PPL: variants seen among roughly 807,000 people sequenced by gnomAD.
The protein encoded by PPL is periplakin.
PPL carries 198 observed loss-of-function variants against 194.4 expected under a neutral mutation model. That is an observed-to-expected ratio of 1.02 (90% CI 0.91 to 1.15). The LOEUF (loss-of-function observed/expected upper bound fraction) is 1.15. PPL is among the 50% of genes most tolerant of loss of function. The pLI is 0.00. For missense variants in PPL, 2,885 were observed against 2,294.8 expected, an observed-to-expected ratio of 1.26 and a Z score of -5.25; for synonymous variants, 1,220 against 972.4, an observed-to-expected ratio of 1.25 and a Z score of -4.74.
In PPL at chr16:4,897,165, T is replaced by A. The variant is rs144469814; in HGVS notation, c.972+510A>T. On this transcript the variant is annotated intron_variant, in intron 9 of 21. Transcript: ENST00000345988. ...GCCTGACCAACATGGCGAAACCCCATCTTTACTGAAAATACAAAAATTAGC... is the reference window on the plus strand; with the variant it reads ...GCCTGACCAACATGGCGAAACCCCAACTTTACTGAAAATACAAAAATTAGC... Among the ~76,000 whole-genome samples, 515 of 151,208 alleles carry A rather than the reference T, an allele frequency of 3.4e-3. 3 individuals are homozygous for A. Among genetic ancestry groups the A allele is most frequent in the Non-Finnish European group, 3.5e-3 (236 of 67,788 alleles).
At chr16:4,901,513 G>A (rs1259985202) in intron 4 of PPL, among the ~76,000 whole-genome samples, 1 of 152,028 alleles carries the variant, frequency 6.6e-6, no homozygotes, top group East Asian at 1.9e-4. Context: ...ATGTAGCAAA[G>A]CCCCATCTCT....
At chr16:4,933,896 A>G (rs2089257940) in intron 1 of PPL, among the ~76,000 whole-genome samples, 1 of 152,234 alleles carries the variant, frequency 6.6e-6, no homozygotes, top group African/African-American at 2.4e-5. Flanking sequence ...CATTTGCTTA[A>G]TAACTGTAAT....
chr16:4,898,178 G>A (rs1001108023), intron 8 of PPL, among the ~76,000 whole-genome samples: 3 of 152,214 alleles, frequency 2.0e-5, no homozygotes, highest in African/African-American at 7.2e-5. Context: ...AGGAGTTTGA[G>A]ACTAGCCTGG....
Position 4,882,608 on chromosome 16 carries a change from C to G in PPL, c.*776G>C, listed in dbSNP as rs1320729589. ...TATGTTCTACATGAGATACAGAGAC[C>G]CAGATATTGGCGTGGTGAATAATCA... On this transcript the variant is annotated 3_prime_UTR_variant, in exon 22 of 22. Coordinates refer to ENST00000345988, the MANE Select transcript of PPL (RefSeq NM_002705.5). 1 of 152,174 alleles carries G rather than the reference C, an allele frequency of 6.6e-6. No homozygotes were observed. The highest frequency in any genetic ancestry group is 1.9e-4 in the East Asian group (1 of 5,204). The allele number at this position is 152,174 out of a possible 1,614,324, so 9.4% of individuals were successfully genotyped here. A position where few individuals can be genotyped will look rare whatever the true frequency, so the allele number is the denominator to read the frequency against.
rs2088293153 is a variant in PPL at position 4,890,221 on chromosome 16, C to G, written c.2276G>C (p.Ser759Thr). The G allele has an allele frequency of 6.2e-7, 1 of 1,614,180 alleles. No homozygotes were observed. The highest frequency in any genetic ancestry group is 8.5e-7 in the Non-Finnish European group (1 of 1,180,024). ...CAGCTTGGTCTCCATCTGGCTGAGG[C>G]TGTCTGTCTCCTGGGGCTCGTAACT... The part of the protein sequence containing the change: ...IPSYEPQETD[S>T]LSQMETKLKN... The change falls in exon 18 of 22, where the codon AGC (serine) becomes ACC (threonine). Residue 759 changes from serine to threonine, a missense_variant. Transcript: ENST00000345988.
chr16:4,910,556 G>A (rs1438614260), intron 2 of PPL, among the ~76,000 whole-genome samples: 2 of 152,128 alleles, frequency 1.3e-5, no homozygotes, highest in Non-Finnish European at 2.9e-5. Flanking sequence ...GTATCCGGGA[G>A]GTACTAGTAT....
rs138487069 is a variant in PPL at position 4,898,544 on chromosome 16, A to C, written c.876+469T>G. On this transcript the variant is annotated intron_variant, in intron 8 of 21. Coordinates refer to ENST00000345988, the MANE Select transcript of PPL (RefSeq NM_002705.5). ...GGATACAGAGAGACATGGGGAGAGA[A>C]GGCCATGTGAAGACGGAGGAAGGGA... 3.2e-4 allele frequency among the ~76,000 whole-genome samples: 49 copies of C among 152,314 alleles called. No homozygotes were observed. The East Asian group carries it at 9.3e-3, about 29-fold the overall frequency.
At chr16:4,934,918 G>A (rs1454654800) in intron 1 of PPL, among the ~76,000 whole-genome samples, 1 of 152,182 alleles carries the variant, frequency 6.6e-6, no homozygotes, top group African/African-American at 2.4e-5. Context: ...ACCACCCGGG[G>A]AGGCATCTGA....
chr16:4,925,401 C>T (rs2040707385), intron 1 of PPL, among the ~76,000 whole-genome samples: 1 of 152,196 alleles, frequency 6.6e-6, no homozygotes, highest in African/African-American at 2.4e-5. Flanking sequence ...ACACTGAGGG[C>T]ACCTACTGGG....
chr16:4,894,078 CACTT>C (rs1568002194), intron 12 of PPL, among the ~76,000 whole-genome samples: 1 of 152,172 alleles, frequency 6.6e-6, no homozygotes, highest in East Asian at 1.9e-4. Context: ...ATACGCTAGT[CACTT>C]AATAAAAAGC....
chr16:4,908,016 G>A (rs1364374826), intron 2 of PPL, among the ~76,000 whole-genome samples: 1 of 150,950 alleles, frequency 6.6e-6, no homozygotes, highest in African/African-American at 2.5e-5. Context: ...AAATAAATTA[G>A]CTGGGCGTGG....
chr16:4,884,062 G>A lies in PPL; in HGVS notation c.4593C>T (p.Arg1531=), dbSNP rs117997908. Residue 1531 remains arginine (R), a synonymous_variant, in exon 22 of 22, where the codon CGC becomes CGT. Transcript: ENST00000345988. This position sits in a 1 kb window ranked among gnomAD's most constrained non-coding sequence, Gnocchi z 5.7. ...GCCGGCTCACCTCGACGTCCAGCTCGCGCTTGCTGCGGCTCTCCTCCTCCA... is the reference window on the plus strand; with the variant it reads ...GCCGGCTCACCTCGACGTCCAGCTCACGCTTGCTGCGGCTCTCCTCCTCCA... ...SSLEEESRSK[R]ELDVEVSRLE... The A allele has an allele frequency of 5.1e-4, 821 of 1,613,188 alleles. No homozygotes were observed. Among genetic ancestry groups the A allele is most frequent in the Admixed American group, 1.3e-3 (76 of 59,962 alleles).
At chr16:4,933,624 C>G (rs941491625) in intron 1 of PPL, among the ~76,000 whole-genome samples, 2 of 152,094 alleles carry the variant, frequency 1.3e-5, no homozygotes, top group Non-Finnish European at 2.9e-5. Flanking sequence ...GGGTGGAGAC[C>G]TCATCTGTCC....
chr16:4,924,871 A>C (rs1568057292), intron 1 of PPL, among the ~76,000 whole-genome samples: 1 of 152,170 alleles, frequency 6.6e-6, no homozygotes, highest in Non-Finnish European at 1.5e-5. Flanking sequence ...CTTTAGCAAC[A>C]TCGGAGGGGC....
At chr16:4,920,142 G>A (rs866583509) in intron 1 of PPL, among the ~76,000 whole-genome samples, 1 of 151,616 alleles carries the variant, frequency 6.6e-6, no homozygotes, top group South Asian at 2.1e-4. Flanking sequence ...AAATTAGCTG[G>A]GCATGGTGGC....
chr16:4,929,648 G>A (rs2089203025), intron 1 of PPL, among the ~76,000 whole-genome samples: 1 of 152,200 alleles, frequency 6.6e-6, no homozygotes, highest in Non-Finnish European at 1.5e-5. Flanking sequence ...CTTCTTAGGA[G>A]TAGCAGAATT....
intron 1 of PPL, among the ~76,000 whole-genome samples, chr16:4,911,623 C>G (rs1441229408): frequency 6.6e-6 from 1 of 152,216 alleles, no homozygotes; most frequent in African/African-American, 2.4e-5. Context: ...CAGCCTCTAT[C>G]TCCCAGGCTC....
intron 2 of PPL, among the ~76,000 whole-genome samples, chr16:4,905,446 G>C (rs2088663408): frequency 6.6e-6 from 1 of 152,148 alleles, no homozygotes; most frequent in Non-Finnish European, 1.5e-5. Context: ...GGGCTGGGAA[G>C]AGGCATTAAC....
intron 1 of PPL, among the ~76,000 whole-genome samples, chr16:4,920,345 G>GAGAGAAAGAAACAAAGAA (rs1427456398): frequency 4.0e-5 from 1 of 25,078 alleles, no homozygotes; most frequent in Non-Finnish European, 1.7e-4. Flanking sequence ...GAGAGAGAGA[G>GAGAGAAAGAAACAAAGAA]AGAAAGAAAG....
Sources: gnomAD v4.1 joint callset for allele counts (sites outside exome capture counted in the v4.1 genomes callset) on GRCh38, gnomAD v4.1.1 for gene constraint, Gnocchi (gnomAD v3.1) non-coding constraint, MANE v1.5 for transcripts, NCBI Gene and HGNC (gene_info 2026-07-23, HGNC 2026-07-21) for gene names.